The following MPPED2 variants were observed in gnomAD, a reference collection of about 807,000 sequenced individuals.
The protein encoded by MPPED2 is metallophosphoesterase domain containing 2, also known as metallophosphoesterase MPPED2.
Under a neutral mutation model 33.0 loss-of-function variants are expected in MPPED2, and 5 were observed. The ratio of observed to expected loss-of-function variants is 0.15; its 90% CI spans 0.08 to 0.32. The LOEUF is 0.32. MPPED2 is among the 10% of genes least tolerant of loss of function. The probability of loss-of-function intolerance (pLI) is 1.00; values close to 1 mark genes in which losing one functional copy is unlikely to be tolerated. For missense variants in MPPED2, 275 were observed against 372.1 expected, an observed-to-expected ratio of 0.74 and a Z score of 2.15; for synonymous variants, 136 against 141.9, an observed-to-expected ratio of 0.96 and a Z score of 0.29.
chr11:30,413,497 C>G (rs764853093), intron 6 of MPPED2, among the ~76,000 whole-genome samples: 56 of 152,150 alleles, frequency 3.7e-4, no homozygotes, highest in Admixed American at 5.9e-4. Context: ...AACCCAGATC[C>G]CTTGAAGATT....
intron 2 of MPPED2, among the ~76,000 whole-genome samples, chr11:30,537,179 CAG>C (rs1377706286): frequency 6.6e-6 from 1 of 152,158 alleles, no homozygotes; most frequent in African/African-American, 2.4e-5. Context: ...GGGTTTGTCG[CAG>C]AGTTAAGGAT....
intron 2 of MPPED2, among the ~76,000 whole-genome samples, chr11:30,566,502 G>A (rs940523736): frequency 6.6e-6 from 1 of 152,012 alleles, no homozygotes; most frequent in Non-Finnish European, 1.5e-5. Flanking sequence ...AAAAAAACAC[G>A]GGAGACTTAC....
chr11:30,453,591 T>G (rs899411982), intron 4 of MPPED2, among the ~76,000 whole-genome samples: 1 of 152,228 alleles, frequency 6.6e-6, no homozygotes, highest in Admixed American at 6.5e-5. Flanking sequence ...TGAATTCATT[T>G]CCTTAGACAT....
At chr11:30,566,821 G>T (rs1016034831) in intron 2 of MPPED2, among the ~76,000 whole-genome samples, 3 of 152,142 alleles carry the variant, frequency 2.0e-5, no homozygotes, top group Admixed American at 1.3e-4. Context: ...AACAATTCAA[G>T]AATATATTTA....
intron 4 of MPPED2, among the ~76,000 whole-genome samples, chr11:30,442,547 C>T (rs958700574): frequency 3.3e-5 from 5 of 152,168 alleles, no homozygotes; most frequent in African/African-American, 1.2e-4. Context: ...TTCACTCATT[C>T]AGCCACATAA....
chr11:30,433,236 G>T lies in MPPED2; in HGVS notation c.537-15603C>A, dbSNP rs2133856304. On this transcript the variant is annotated intron_variant, in intron 4 of 6. Transcript: ENST00000358117. ...TCCTGCATTTTCCCTCCAATTTTAA[G>T]GTATAAAGTGAACATTACCATAGTA... 1.3e-5 allele frequency among the ~76,000 whole-genome samples: 2 copies of T among 152,226 alleles called. 1 individual carries two copies. Among genetic ancestry groups the T allele is most frequent in the Middle Eastern group, 6.8e-3 (2 of 294 alleles).
intron 3 of MPPED2, among the ~76,000 whole-genome samples, chr11:30,505,379 G>T (rs1247458978): frequency 6.6e-6 from 1 of 152,088 alleles, no homozygotes; most frequent in Non-Finnish European, 1.5e-5. Context: ...TATCCTCCTT[G>T]CTTCCCAACC....
At chr11:30,531,426 A>G (rs1954521190) in intron 3 of MPPED2, among the ~76,000 whole-genome samples, 1 of 152,196 alleles carries the variant, frequency 6.6e-6, no homozygotes, top group African/African-American at 2.4e-5. Flanking sequence ...TGTCTGATAT[A>G]GGGATTCAAA....
chr11:30,414,428 A>C, intron 5 of MPPED2, 87 bp from the exon 6 acceptor site: 1 of 850,298 alleles, frequency 1.2e-6, no homozygotes, highest in Non-Finnish European at 2.0e-6. Flanking sequence ...AACTCACAGA[A>C]GGTTTATTAC....
chr11:30,552,989 C>G (rs556719711), intron 2 of MPPED2, among the ~76,000 whole-genome samples: 3 of 152,266 alleles, frequency 2.0e-5, no homozygotes, highest in Non-Finnish European at 4.4e-5. Context: ...AGCAACTCCT[C>G]TAGGATAAAT....
At chr11:30,482,170 A>T (rs1951520135) in intron 4 of MPPED2, among the ~76,000 whole-genome samples, 1 of 152,216 alleles carries the variant, frequency 6.6e-6, no homozygotes, top group Non-Finnish European at 1.5e-5. Context: ...AGAGAAAGAA[A>T]AAAAGAACAT....
intron 2 of MPPED2, among the ~76,000 whole-genome samples, chr11:30,537,247 G>C (rs1444320192): frequency 6.6e-6 from 1 of 152,174 alleles, no homozygotes; most frequent in Non-Finnish European, 1.5e-5. Flanking sequence ...CTGTAGGAAT[G>C]TACACTTATT....
At chr11:30,499,912 C>T (rs921682478) in intron 3 of MPPED2, among the ~76,000 whole-genome samples, 4 of 152,086 alleles carry the variant, frequency 2.6e-5, no homozygotes, top group African/African-American at 4.8e-5. Context: ...GGAAATATCA[C>T]CCAAAAGTTT....
chr11:30,440,912 G>A (rs954548484), intron 4 of MPPED2, among the ~76,000 whole-genome samples: 1 of 152,130 alleles, frequency 6.6e-6, no homozygotes, highest in African/African-American at 2.4e-5. Flanking sequence ...AATATGTCTG[G>A]GCTTAAAAAC....
At chr11:30,549,480 A>G (rs1051965765) in intron 2 of MPPED2, among the ~76,000 whole-genome samples, 3 of 152,172 alleles carry the variant, frequency 2.0e-5, no homozygotes, top group African/African-American at 7.2e-5. Context: ...GTGAATGCTA[A>G]ACTGTAAAAG....
chr11:30,447,088 T>C (rs1283720206), intron 4 of MPPED2, among the ~76,000 whole-genome samples: 1 of 152,224 alleles, frequency 6.6e-6, no homozygotes, highest in African/African-American at 2.4e-5. Flanking sequence ...TGAACTGGGC[T>C]GCATAAACGA....
intron 3 of MPPED2, among the ~76,000 whole-genome samples, chr11:30,522,697 G>A (rs1953943160): frequency 6.6e-6 from 1 of 152,098 alleles, no homozygotes; most frequent in African/African-American, 2.4e-5. Flanking sequence ...CCTGCGTGTG[G>A]GAATGGCTGC....
intron 4 of MPPED2, among the ~76,000 whole-genome samples, chr11:30,433,178 A>T (rs1949159571): frequency 6.6e-6 from 1 of 152,224 alleles, no homozygotes; most frequent in Non-Finnish European, 1.5e-5. Context: ...CAGATCAGAA[A>T]GGGTTCTATG....
intron 4 of MPPED2, among the ~76,000 whole-genome samples, chr11:30,489,278 C>T (rs1237438892): frequency 6.6e-6 from 1 of 152,194 alleles, no homozygotes; most frequent in Non-Finnish European, 1.5e-5. Flanking sequence ...GAAATAAAAA[C>T]ATCTGACGCT....
Sources: allele counts gnomAD v4.1 joint callset (sites outside exome capture counted in the v4.1 genomes callset), GRCh38; gene constraint gnomAD v4.1.1; transcripts MANE v1.5; gene names NCBI Gene and HGNC (gene_info 2026-07-23, HGNC 2026-07-21).